CLASP1: variants seen among roughly 807,000 people sequenced by gnomAD.
CLASP1 encodes the protein CLIP-associating protein 1.
A neutral mutation model predicts 192.3 loss-of-function variants in CLASP1; 38 were observed. The observed-to-expected ratio is 0.20, with a 90% CI of 0.15 to 0.26. The LOEUF (loss-of-function observed/expected upper bound fraction) is 0.26. Among genes scored for constraint, CLASP1 ranks in the 10% least tolerant of loss-of-function variants. The pLI is 1.00. For missense variants in CLASP1, 1,433 were observed against 1,932.5 expected (o/e 0.74, Z 4.85); for synonymous variants, 691 against 712.8 (o/e 0.97, Z 0.49).
chr2:121,346,351 C>A (rs1366043389), intron 39 of CLASP1, among the ~76,000 whole-genome samples: 4 of 152,254 alleles, frequency 2.6e-5, no homozygotes. Flanking sequence ...CTCTCACCAG[C>A]CTAGCATGTC....
intron 16 of CLASP1, 40 bp downstream of exon 16, chr2:121,450,870 TAGA>T (rs758246523): frequency 3.6e-5 from 47 of 1,304,970 alleles, no homozygotes; most frequent in Non-Finnish European, 4.5e-5. Flanking sequence ...ATGTGAAATA[TAGA>T]AGAAGTTAAT....
At chr2:121,519,870 G>C (rs2094417610) in intron 6 of CLASP1, among the ~76,000 whole-genome samples, 1 of 152,170 alleles carries the variant, frequency 6.6e-6, no homozygotes, top group African/African-American at 2.4e-5. Context: ...ATTCAGCTGA[G>C]ACTGCAGGAC....
intron 19 of CLASP1, among the ~76,000 whole-genome samples, chr2:121,434,425 A>G (rs190656809): frequency 1.8e-4 from 28 of 151,882 alleles, no homozygotes; most frequent in Non-Finnish European, 3.2e-4. Flanking sequence ...TCACCACGCC[A>G]TATTAATTTT....
Position 121,398,683 on chromosome 2 carries a change from C to G in CLASP1, c.2901-283G>C, listed in dbSNP as rs577061254. On this transcript the variant is annotated intron_variant, in intron 28 of 39. Coordinates refer to ENST00000263710, the Ensembl canonical transcript of CLASP1. Reference sequence around the variant, plus strand: ...TAAACTAAGGAGAAATTTCTACCTGCCTTTCTAGGGATTCGCTCATTTTCC... The same window carrying G: ...TAAACTAAGGAGAAATTTCTACCTGGCTTTCTAGGGATTCGCTCATTTTCC... 3.3e-5 allele frequency among the ~76,000 whole-genome samples: 5 copies of G among 151,824 alleles called. No homozygotes were observed. In the East Asian group the frequency reaches 9.8e-4, roughly 30 times the overall value.
At chr2:121,503,109 T>C (rs2093814574) in intron 8 of CLASP1, 58 bp downstream of exon 8, 1 of 1,085,698 alleles carries the variant, frequency 9.2e-7, no homozygotes, top group African/African-American at 1.6e-5. Context: ...ACATATAACA[T>C]AAATGATGCG....
At chr2:121,563,676 G>A (rs1352192304) in intron 2 of CLASP1, among the ~76,000 whole-genome samples, 1 of 152,092 alleles carries the variant, frequency 6.6e-6, no homozygotes, top group East Asian at 1.9e-4. Flanking sequence ...TCAGCTCTGG[G>A]GAAATTAGCT....
At chr2:121,567,827 T>G (rs886999851) in intron 2 of CLASP1, among the ~76,000 whole-genome samples, 1 of 152,182 alleles carries the variant, frequency 6.6e-6, no homozygotes, top group African/African-American at 2.4e-5. Context: ...GAAATACCTT[T>G]GGAGCGCCAC....
chr2:121,559,621 C>T (rs959609541), intron 2 of CLASP1, among the ~76,000 whole-genome samples: 3 of 151,818 alleles, frequency 2.0e-5, no homozygotes, highest in African/African-American at 7.3e-5. Flanking sequence ...TATGAAATAT[C>T]TGGAATAGAG....
chr2:121,497,821 G>A (rs1213102735), intron 8 of CLASP1, among the ~76,000 whole-genome samples: 1 of 152,114 alleles, frequency 6.6e-6, no homozygotes, highest in East Asian at 1.9e-4. Context: ...CCAGGTTCAA[G>A]CGATTCTCCT....
intron 8 of CLASP1, among the ~76,000 whole-genome samples, chr2:121,486,860 A>G (rs1018156904): frequency 3.3e-5 from 5 of 152,220 alleles, no homozygotes; most frequent in African/African-American, 4.8e-5. Flanking sequence ...GAAGACAAAG[A>G]GAAAGAAGAT....
At chr2:121,523,501 C>T (rs188241030) in intron 6 of CLASP1, among the ~76,000 whole-genome samples, 164 of 152,314 alleles carry the variant, frequency 1.1e-3, no homozygotes, top group Middle Eastern at 3.4e-3. Context: ...GAGACCTCCT[C>T]TAGCAGAAAA....
intron 8 of CLASP1, among the ~76,000 whole-genome samples, chr2:121,478,469 C>T (rs1352911377): frequency 6.6e-6 from 1 of 151,986 alleles, no homozygotes; most frequent in East Asian, 1.9e-4. Flanking sequence ...AGCGTGGCAG[C>T]ACACTCCTGT....
intron 6 of CLASP1, among the ~76,000 whole-genome samples, chr2:121,517,537 A>G (rs1481428016): frequency 2.0e-5 from 3 of 152,114 alleles, no homozygotes; most frequent in Admixed American, 6.5e-5. Flanking sequence ...ACTCTCCAAC[A>G]TATTTCAAGA....
intron 8 of CLASP1, among the ~76,000 whole-genome samples, chr2:121,480,773 C>A (rs2092535096): frequency 6.6e-6 from 1 of 152,184 alleles, no homozygotes; most frequent in Admixed American, 6.5e-5. Context: ...CTCAGTGGAA[C>A]CTGGCCACAG....
At chr2:121,348,428 G>T in intron 38 of CLASP1, 84 bp downstream of exon 39, 1 of 1,250,284 alleles carries the variant, frequency 8.0e-7, no homozygotes, top group Non-Finnish European at 1.1e-6. Flanking sequence ...TGCCAGTGAA[G>T]GAGGAGCACA....
At chr2:121,564,650 T>C (rs2059361436) in intron 2 of CLASP1, among the ~76,000 whole-genome samples, 2 of 152,168 alleles carry the variant, frequency 1.3e-5, no homozygotes, top group South Asian at 4.1e-4. Flanking sequence ...CAAGCACACA[T>C]TTTCATCAAC....
At chr2:121,553,479 G>A (rs2058231470) in intron 2 of CLASP1, among the ~76,000 whole-genome samples, 1 of 151,682 alleles carries the variant, frequency 6.6e-6, no homozygotes, top group Non-Finnish European at 1.5e-5. Flanking sequence ...TGAGGTGGGA[G>A]GATCATGAGG....
chr2:121,495,387 G>A (rs895892841), intron 8 of CLASP1, among the ~76,000 whole-genome samples: 10 of 151,392 alleles, frequency 6.6e-5, no homozygotes, highest in African/African-American at 7.3e-5. Context: ...ATGGCTGGGC[G>A]CGGTGGCTCA....
intron 22 of CLASP1, among the ~76,000 whole-genome samples, chr2:121,423,845 A>G (rs1315873691): frequency 6.6e-6 from 1 of 152,228 alleles, no homozygotes; most frequent in Non-Finnish European, 1.5e-5. Context: ...TTCAAATCAA[A>G]TCTTATCCAT....
Sources: gnomAD v4.1 joint callset for allele counts (sites outside exome capture counted in the v4.1 genomes callset) on GRCh38, gnomAD v4.1.1 for gene constraint, MANE v1.5 for transcripts, NCBI Gene and HGNC (gene_info 2026-07-23, HGNC 2026-07-21) for gene names.